The following PIP5K1A variants were observed in gnomAD, a reference collection of about 807,000 sequenced individuals.
The protein encoded by PIP5K1A is phosphatidylinositol-4-phosphate 5-kinase type 1 alpha, also known as phosphatidylinositol 4-phosphate 5-kinase type-1 alpha.
Under a neutral mutation model 72.9 loss-of-function variants are expected in PIP5K1A, and 46 were observed. The observed-to-expected ratio is 0.63, with a 90% CI of 0.50 to 0.81. The LOEUF is 0.81. Ranked by LOEUF, PIP5K1A falls within the 30% of genes least tolerant of loss-of-function variation. The probability of loss-of-function intolerance (pLI) is 0.00; values close to 1 mark genes in which losing one functional copy is unlikely to be tolerated. For synonymous variants in PIP5K1A, 228 were observed against 255.1 expected, an observed-to-expected ratio of 0.89 and a Z score of 1.01; for missense variants, 458 against 706.1, an observed-to-expected ratio of 0.65 and a Z score of 3.98.
At chr1:151,243,992 C>T (rs1282605592) in intron 14 of PIP5K1A, among the ~76,000 whole-genome samples, 2 of 152,014 alleles carry the variant, frequency 1.3e-5, no homozygotes, top group African/African-American at 4.8e-5. Flanking sequence ...ACAGGTTCCA[C>T]ATCCCAGATT....
At chr1:151,221,556 C>A (rs1359061807) in intron 1 of PIP5K1A, among the ~76,000 whole-genome samples, 1 of 152,102 alleles carries the variant, frequency 6.6e-6, no homozygotes, top group Non-Finnish European at 1.5e-5. Context: ...TTGGGAAATG[C>A]AGGTCTCAAG....
chr1:151,224,238 C>A lies in PIP5K1A; in HGVS notation c.86-7C>A. ...CACTCTTATGATTGTTTTTTTTTCCCCCCTAGCAGCATCTGGAATCAAGAG... is the reference window on the plus strand; with the variant it reads ...CACTCTTATGATTGTTTTTTTTTCCACCCTAGCAGCATCTGGAATCAAGAG... On this transcript the variant is annotated splice_polypyrimidine_tract_variant and splice_region_variant and intron_variant, in intron 1 of 15. Transcript: ENST00000368888. 1 of 1,611,716 alleles carries A rather than the reference C, an allele frequency of 6.2e-7. No homozygotes were observed. The highest frequency in any genetic ancestry group is 2.2e-5 in the East Asian group (1 of 44,842).
chr1:151,213,098 TAGCC>T (rs1230758690), intron 1 of PIP5K1A, among the ~76,000 whole-genome samples: 2 of 152,112 alleles, frequency 1.3e-5, no homozygotes, highest in Non-Finnish European at 2.9e-5. Context: ...TTCACTGTGT[TAGCC>T]AGGATGGTCT....
At chr1:151,241,978 A>G (rs1691798043) in intron 12 of PIP5K1A, 145 bp from the exon 13 acceptor site, 1 of 733,778 alleles carries the variant, frequency 1.4e-6, no homozygotes, top group African/African-American at 1.8e-5. Context: ...AGTAATTCAT[A>G]GGCCTGTCTT....
intron 14 of PIP5K1A, among the ~76,000 whole-genome samples, chr1:151,245,742 C>T (rs938579986): frequency 6.6e-6 from 1 of 152,096 alleles, no homozygotes; most frequent in Non-Finnish European, 1.5e-5. Flanking sequence ...TGCCATGTTG[C>T]TGAGGCTGGT....
At chr1:151,230,810 G>T (rs1258636409) in intron 4 of PIP5K1A, among the ~76,000 whole-genome samples, 1 of 152,224 alleles carries the variant, frequency 6.6e-6, no homozygotes, top group Non-Finnish European at 1.5e-5. Context: ...AAAGTGCTTG[G>T]ATTAGAGGCG....
In PIP5K1A at chr1:151,228,806, A is replaced by G. The variant is rs139310477; in HGVS notation, c.237+1406A>G. Among the ~76,000 whole-genome samples, 685 of 152,018 alleles carry G rather than the reference A, an allele frequency of 4.5e-3. 6 individuals are homozygous for G. Among genetic ancestry groups the G allele is most frequent in the African/African-American group, 0.016 (650 of 41,458 alleles). ...TGTCCCAAGTAGCAGAGGTGGACTG[A>G]CTCATTCTCAGTCAAGGACCTGACA... On this transcript the variant is annotated intron_variant, in intron 4 of 15. Transcript: ENST00000368888.
chr1:151,230,402 G>A (rs1315546267), intron 4 of PIP5K1A, among the ~76,000 whole-genome samples: 1 of 152,188 alleles, frequency 6.6e-6, no homozygotes, highest in African/African-American at 2.4e-5. Flanking sequence ...ACTTTCCCAC[G>A]GGCTTGGAAT....
intron 1 of PIP5K1A, among the ~76,000 whole-genome samples, chr1:151,211,277 A>G (rs1321629192): frequency 6.6e-6 from 1 of 151,798 alleles, no homozygotes; most frequent in African/African-American, 2.4e-5. Context: ...GCTTGAGCTC[A>G]GGAGTTTGAA....
intron 1 of PIP5K1A, among the ~76,000 whole-genome samples, chr1:151,221,041 TTTC>T (rs1187605547): frequency 1.3e-5 from 2 of 152,212 alleles, no homozygotes; most frequent in Non-Finnish European, 2.9e-5. Flanking sequence ...CTTTTTATGG[TTTC>T]TTTTTTTCTA....
At chr1:151,212,104 T>C (rs1348848564) in intron 1 of PIP5K1A, among the ~76,000 whole-genome samples, 1 of 151,028 alleles carries the variant, frequency 6.6e-6, no homozygotes, top group Non-Finnish European at 1.5e-5. Context: ...AGTGTGAGAC[T>C]CCGTCTCAAA....
intron 14 of PIP5K1A, among the ~76,000 whole-genome samples, chr1:151,244,862 C>G (rs866041430): frequency 6.6e-6 from 1 of 151,618 alleles, no homozygotes; most frequent in Non-Finnish European, 1.5e-5. Flanking sequence ...AGATGTTTCA[C>G]AGTCATATGT....
chr1:151,210,490 C>T (rs928764769), intron 1 of PIP5K1A, among the ~76,000 whole-genome samples: 24 of 151,824 alleles, frequency 1.6e-4, no homozygotes, highest in African/African-American at 2.4e-4. Context: ...CTTGGTGTGG[C>T]GCTCCATCTT....
At position 151,215,893 on chromosome 1, in the gene PIP5K1A, T is replaced by C. The variant is rs1687519647; in HGVS notation, c.86-8352T>C. ...TAAACTTTAGAGTTTTAAAAACATGTATGCTTATCATGCTGTAAGCAAATG... is the reference window on the plus strand; with the variant it reads ...TAAACTTTAGAGTTTTAAAAACATGCATGCTTATCATGCTGTAAGCAAATG... On this transcript the variant is annotated intron_variant, in intron 1 of 15. Transcript: ENST00000368888. 8.8e-6 allele frequency: 7 copies of C among 799,710 alleles called. No homozygotes were observed. The Admixed American group carries it at 1.6e-4, about 19-fold the overall frequency. 49.5% of individuals were successfully genotyped at this position (799,710 alleles called of 1,614,324 possible). A position where few individuals can be genotyped will look rare whatever the true frequency, so the allele number is the denominator to read the frequency against.
rs1354895510 is a variant in PIP5K1A, at chr1:151,236,776, A to AG, written c.1145+16dup. 4 of 1,547,710 alleles carry AG rather than the reference A, an allele frequency of 2.6e-6. No individual in the cohort carries two copies. Among genetic ancestry groups the AG allele is most frequent in the Admixed American group, 1.7e-5 (1 of 59,320 alleles). On this transcript the variant is annotated intron_variant, in intron 9 of 15. Transcript: ENST00000368888. ...AGACTGATGACCAGTAAGTGGGCTC[A>AG]GGGCCACTAGGGGGGAGAACATAGG...
At chr1:151,221,517 A>G (rs1287274631) in intron 1 of PIP5K1A, among the ~76,000 whole-genome samples, 1 of 152,200 alleles carries the variant, frequency 6.6e-6, no homozygotes, top group African/African-American at 2.4e-5. Flanking sequence ...AGACATTGGA[A>G]TAATGCCCTT....
chr1:151,199,859 G>C (rs1005355718), intron 1 of PIP5K1A, among the ~76,000 whole-genome samples: 1 of 152,000 alleles, frequency 6.6e-6, no homozygotes, highest in African/African-American at 2.4e-5. Context: ...AATTTTGTTG[G>C]GTGGGCGGGA....
upstream of PIP5K1A, among the ~76,000 whole-genome samples, chr1:151,196,044 C>T (rs1280388957): frequency 1.3e-5 from 2 of 151,262 alleles, no homozygotes; most frequent in Non-Finnish European, 1.5e-5. Flanking sequence ...ACTACAGGCG[C>T]CGGCCAACTC....
At chr1:151,234,160 G>C in intron 7 of PIP5K1A, 37 bp from the exon 8 acceptor site, 6 of 1,525,802 alleles carry the variant, frequency 3.9e-6, no homozygotes, top group South Asian at 1.3e-5. Context: ...AATCAGCTAA[G>C]TTGTTCTCCT....
Sources: allele counts gnomAD v4.1 joint callset (sites outside exome capture counted in the v4.1 genomes callset), GRCh38; gene constraint gnomAD v4.1.1; transcripts MANE v1.5; gene names NCBI Gene and HGNC (gene_info 2026-07-23, HGNC 2026-07-21).